The following ARHGEF7 variants were observed in gnomAD, a reference collection of about 807,000 sequenced individuals.
ARHGEF7 encodes Rho guanine nucleotide exchange factor 7.
ARHGEF7 carries 33 observed loss-of-function variants against 109.8 expected under a neutral mutation model. The observed-to-expected ratio is 0.30, with a 90% CI of 0.23 to 0.40. The LOEUF is 0.40. ARHGEF7 is among the 10% of genes least tolerant of loss of function. The pLI is 1.00. For synonymous variants in ARHGEF7, 458 were observed against 424.6 expected (o/e 1.08, Z -0.97); for missense variants, 938 against 1,098.5 (o/e 0.85, Z 2.07).
At chr13:111,284,743 A>G (rs139401812) in intron 16 of ARHGEF7, among the ~76,000 whole-genome samples, 88 of 152,238 alleles carry the variant, frequency 5.8e-4, no homozygotes, top group African/African-American at 2.0e-3. Flanking sequence ...AGTAGCGTGG[A>G]GAGTGATCTT....
At chr13:111,209,826 A>G (rs756235192) in intron 3 of ARHGEF7, 46 bp from the exon 4 acceptor site, 3 of 1,601,282 alleles carry the variant, frequency 1.9e-6, no homozygotes, top group Non-Finnish European at 2.6e-6. Flanking sequence ...GGTGCGTGGT[A>G]TCAGGCGCTC....
chr13:111,138,133 G>A (rs917165781), intron 1 of ARHGEF7, among the ~76,000 whole-genome samples: 3 of 152,078 alleles, frequency 2.0e-5, no homozygotes, highest in Admixed American at 2.0e-4. Context: ...GACCAACATG[G>A]AGAAACCCCA....
intron 16 of ARHGEF7, among the ~76,000 whole-genome samples, chr13:111,285,860 G>A (rs1035203949): frequency 2.0e-5 from 3 of 151,892 alleles, no homozygotes; most frequent in Non-Finnish European, 4.4e-5. Flanking sequence ...CCTGCCTCCT[G>A]GTGACACCTC....
chr13:111,221,462 TAG>T lies in ARHGEF7; in HGVS notation c.670+3584_670+3585del, dbSNP rs1460128174. Among the ~76,000 whole-genome samples the T allele has an allele frequency of 8.5e-5, 8 of 93,918 alleles. 1 individual carries two copies. Among genetic ancestry groups the T allele is most frequent in the African/African-American group, 3.7e-4 (8 of 21,838 alleles). 61.6% of individuals were successfully genotyped at this position (93,918 alleles called of 152,430 possible). Reference sequence around the variant, plus strand: ...ATATATATCTATATATATAGATATATAGACATCTATATATATAGATATATATA... The same window carrying T: ...ATATATATCTATATATATAGATATATACATCTATATATATAGATATATATA... On this transcript the variant is annotated intron_variant, in intron 5 of 21. Coordinates refer to ENST00000646102, the MANE Select transcript of ARHGEF7 (RefSeq NM_001354046.2).
At position 111,282,147 on chromosome 13, in the gene ARHGEF7, G is replaced by A. The variant is rs533219628; in HGVS notation, c.1726-992G>A. On this transcript the variant is annotated intron_variant, in intron 15 of 21. Transcript: ENST00000646102. ...CCCATGCAGGGACTAGAATGTGATC[G>A]TTGCAGGAAGTTGATGGCTTCTATT... Among the ~76,000 whole-genome samples the A allele has an allele frequency of 5.9e-5, 9 of 151,842 alleles. No individual in the cohort carries two copies. The East Asian group carries it at 1.6e-3, about 26-fold the overall frequency.
Position 111,178,556 on chromosome 13 carries a change from C to T in ARHGEF7, c.252+24565C>T, listed in dbSNP as rs190067435. 8.5e-5 allele frequency among the ~76,000 whole-genome samples: 13 copies of T among 152,238 alleles called. No homozygotes were observed. The East Asian group carries it at 2.1e-3, about 25-fold the overall frequency. ...GTATCCACTTGGGATTCTGAGTATGCGAGTGTTTTTAAAAAATGCTGACCC... is the reference window on the plus strand; with the variant it reads ...GTATCCACTTGGGATTCTGAGTATGTGAGTGTTTTTAAAAAATGCTGACCC... On this transcript the variant is annotated intron_variant, in intron 2 of 21. Coordinates refer to ENST00000646102, the MANE Select transcript of ARHGEF7 (RefSeq NM_001354046.2).
At chr13:111,289,883 T>C (rs971567035) in intron 18 of ARHGEF7, among the ~76,000 whole-genome samples, 1 of 152,216 alleles carries the variant, frequency 6.6e-6, no homozygotes, top group Non-Finnish European at 1.5e-5. Flanking sequence ...GTCAACACTG[T>C]TGGTTTTTTT....
intron 5 of ARHGEF7, among the ~76,000 whole-genome samples, chr13:111,224,045 C>T (rs974082098): frequency 1.3e-5 from 2 of 152,106 alleles, no homozygotes; most frequent in African/African-American, 4.8e-5. Flanking sequence ...TTAGTAGAGA[C>T]AGGGTTTCAC....
At chr13:111,147,282 A>G (rs982149518) in intron 1 of ARHGEF7, among the ~76,000 whole-genome samples, 3 of 152,232 alleles carry the variant, frequency 2.0e-5, no homozygotes, top group Non-Finnish European at 4.4e-5. Flanking sequence ...CAGTTTTCTA[A>G]GCATACCATT....
Position 111,285,962 on chromosome 13 carries a change from C to G in ARHGEF7, c.1951-185C>G, listed in dbSNP as rs41275848. On this transcript the variant is annotated intron_variant, in intron 16 of 21. Coordinates refer to ENST00000646102, the MANE Select transcript of ARHGEF7 (RefSeq NM_001354046.2). ...GCCAATGACTAATACTGAAAATGCCCTATTGATTTTTAAAAATTAACGTTC... is the reference window on the plus strand; with the variant it reads ...GCCAATGACTAATACTGAAAATGCCGTATTGATTTTTAAAAATTAACGTTC... 3.0e-3 allele frequency among the ~76,000 whole-genome samples: 463 copies of G among 152,024 alleles called. 1 individual carries two copies. Among genetic ancestry groups the G allele is most frequent in the South Asian group, 0.011 (54 of 4,800 alleles).
At chr13:111,147,684 G>A (rs2075668575) in intron 1 of ARHGEF7, among the ~76,000 whole-genome samples, 1 of 148,328 alleles carries the variant, frequency 6.7e-6, no homozygotes, top group Non-Finnish European at 1.5e-5. Flanking sequence ...CCAACTCAGA[G>A]GTCACCTTTT....
chr13:111,188,853 G>A (rs61966724), intron 2 of ARHGEF7, among the ~76,000 whole-genome samples: 1 of 152,246 alleles, frequency 6.6e-6, no homozygotes, highest in South Asian at 2.1e-4. Context: ...GTTTTTGCAG[G>A]ATGCATTTCC....
chr13:111,284,947 A>G (rs530035964), intron 16 of ARHGEF7, among the ~76,000 whole-genome samples: 4 of 152,378 alleles, frequency 2.6e-5, no homozygotes, highest in Admixed American at 2.6e-4. Context: ...AGCCATGAGC[A>G]CATGTGTATA....
intron 2 of ARHGEF7, among the ~76,000 whole-genome samples, chr13:111,156,420 A>T (rs188281991): frequency 1.3e-5 from 2 of 152,354 alleles, no homozygotes; most frequent in African/African-American, 4.8e-5. Context: ...GCAAGAGGCA[A>T]ATGTTAGCAT....
At chr13:111,264,783 G>A (rs555232433) in intron 8 of ARHGEF7, among the ~76,000 whole-genome samples, 1 of 152,326 alleles carries the variant, frequency 6.6e-6, no homozygotes, top group East Asian at 1.9e-4. Context: ...TTCTTACACA[G>A]ATCAGCCACC....
At chr13:111,292,761 A>C in intron 19 of ARHGEF7, 1 of 1,009,382 alleles carries the variant, frequency 9.9e-7, no homozygotes, top group Non-Finnish European at 1.2e-6. Context: ...AAATTTTTTA[A>C]GTGCTATGAA....
intron 4 of ARHGEF7, among the ~76,000 whole-genome samples, chr13:111,210,917 G>A (rs911581501): frequency 6.6e-6 from 1 of 152,192 alleles, no homozygotes; most frequent in Non-Finnish European, 1.5e-5. Context: ...TGGTCCTCAA[G>A]AAATAAAAGT....
At chr13:111,269,077 G>A (rs758433725) in intron 9 of ARHGEF7, among the ~76,000 whole-genome samples, 1 of 152,194 alleles carries the variant, frequency 6.6e-6, no homozygotes, top group Non-Finnish European at 1.5e-5. Flanking sequence ...CCCTCTGCAC[G>A]TCCCGCTTGG....
intron 2 of ARHGEF7, chr13:111,159,006 A>G (rs760358284): frequency 5.6e-6 from 4 of 718,026 alleles, no homozygotes; most frequent in South Asian, 3.0e-5. Flanking sequence ...TTTGACTAAC[A>G]TCTCCCCTTT....
Sources: allele counts gnomAD v4.1 joint callset (sites outside exome capture counted in the v4.1 genomes callset), GRCh38; gene constraint gnomAD v4.1.1; transcripts MANE v1.5; gene names NCBI Gene and HGNC (gene_info 2026-07-23, HGNC 2026-07-21).